Variants in LPAR3 observed in about 807,000 individuals in gnomAD.
LPAR3 encodes the protein LPA receptor 3.
Under a neutral mutation model 17.8 loss-of-function variants are expected in LPAR3, and 7 were observed. The observed-to-expected ratio is 0.39, with a 90% confidence interval of 0.22 to 0.74. The LOEUF is 0.74. Ranked by LOEUF, LPAR3 falls within the 30% of genes least tolerant of loss-of-function variation. LPAR3 has a pLI of 0.40. For missense variants in LPAR3, 391 were observed against 453.4 expected (o/e 0.86, Z 1.25); for synonymous variants, 179 against 179.9 (o/e 0.99, Z 0.04).
rs1387492641 is a variant in LPAR3 at position 84,853,606 on chromosome 1, C to T, written c.736+11779G>A. On this transcript the variant is annotated intron_variant, in intron 2 of 2. Transcript: ENST00000370611. ...CTTCTCTTCTCCTCCCCTGCAGCCC[C>T]GATGGGCCTTCTAGCTGCTGCTGAC... Among the ~76,000 whole-genome samples the T allele has an allele frequency of 3.3e-5, 5 of 152,288 alleles. No homozygotes were observed. In the East Asian group the frequency reaches 7.7e-4, roughly 24 times the overall value.
At chr1:84,889,001 T>A (rs1660506270) in intron 1 of LPAR3, among the ~76,000 whole-genome samples, 1 of 152,012 alleles carries the variant, frequency 6.6e-6, no homozygotes, top group Non-Finnish European at 1.5e-5. Context: ...GATTCACATC[T>A]GAAGAGGGGT....
intron 2 of LPAR3, among the ~76,000 whole-genome samples, chr1:84,834,791 C>G (rs1305497797): frequency 6.6e-6 from 1 of 152,092 alleles, no homozygotes; most frequent in Middle Eastern, 3.2e-3. Flanking sequence ...TTACAGGGTG[C>G]CTATCTATCC....
chr1:84,819,025 T>C (rs1199626918), intron 2 of LPAR3, among the ~76,000 whole-genome samples: 3 of 152,352 alleles, frequency 2.0e-5, no homozygotes, highest in Non-Finnish European at 1.5e-5. Flanking sequence ...TTGGAAGTTG[T>C]AGACTCTATT....
intron 2 of LPAR3, among the ~76,000 whole-genome samples, chr1:84,816,746 G>A (rs930359087): frequency 2.0e-5 from 3 of 152,160 alleles, no homozygotes; most frequent in Admixed American, 1.3e-4. Flanking sequence ...GCAGTGAACC[G>A]AGATTGTGCC....
chr1:84,821,645 G>T (rs1659058061), intron 2 of LPAR3, among the ~76,000 whole-genome samples: 1 of 152,136 alleles, frequency 6.6e-6, no homozygotes, highest in Non-Finnish European at 1.5e-5. Flanking sequence ...GAATGCTTTT[G>T]CGTGGTAAAA....
At chr1:84,827,158 A>G (rs1391069598) in intron 2 of LPAR3, among the ~76,000 whole-genome samples, 2 of 152,236 alleles carry the variant, frequency 1.3e-5, no homozygotes, top group African/African-American at 4.8e-5. Context: ...AATTGTGTAC[A>G]ATGTGTGCCT....
chr1:84,888,143 T>C (rs950170502), intron 1 of LPAR3, among the ~76,000 whole-genome samples: 4 of 85,670 alleles, frequency 4.7e-5, no homozygotes, highest in Admixed American at 1.5e-4. Flanking sequence ...TATATATATA[T>C]ACATACATAC....
At chr1:84,871,269 T>C (rs1158042710) in intron 1 of LPAR3, among the ~76,000 whole-genome samples, 2 of 152,222 alleles carry the variant, frequency 1.3e-5, no homozygotes, top group Non-Finnish European at 2.9e-5. Flanking sequence ...AAAGTCTATA[T>C]GTGGAATCCA....
chr1:84,814,049 C>A lies in LPAR3; in HGVS notation c.859G>T (p.Val287Phe), dbSNP rs560059746. 1.1e-5 allele frequency: 17 copies of A among 1,614,052 alleles called. No individual in the cohort carries two copies. The South Asian group carries it at 1.6e-4, about 16-fold the overall frequency. The change falls in exon 3 of 3, where the codon GTC (valine) becomes TTC (phenylalanine). Residue 287 changes from valine (V) to phenylalanine (F), a missense_variant. Val to Phe is a conservative substitution (Grantham distance 50, BLOSUM62 -1). Transcript: ENST00000370611. The part of the protein sequence containing the change: ...WFLLLALLNS[V>F]VNPIIYSYKD... ...TAGGAGTAGATGATGGGGTTCACGA[C>A]GGAGTTGAGCAGCGCCAGCAGCAGG...
intron 2 of LPAR3, among the ~76,000 whole-genome samples, chr1:84,860,927 C>T (rs1192965609): frequency 2.6e-5 from 4 of 151,672 alleles, no homozygotes; most frequent in Admixed American, 6.6e-5. Flanking sequence ...TTAGTAGAGA[C>T]GGGGTTTCAC....
intron 2 of LPAR3, among the ~76,000 whole-genome samples, chr1:84,851,910 T>A (rs1659721085): frequency 6.6e-6 from 1 of 152,102 alleles, no homozygotes. Flanking sequence ...ATGCCTCAGC[T>A]GGTGGTGGGG....
chr1:84,879,033 T>C (rs1184785516), intron 1 of LPAR3, among the ~76,000 whole-genome samples: 1 of 152,186 alleles, frequency 6.6e-6, no homozygotes, highest in Admixed American at 6.5e-5. Flanking sequence ...CCACTGAGAA[T>C]GCTTCTTAGC....
At chr1:84,874,897 C>T (rs1448091510) in intron 1 of LPAR3, among the ~76,000 whole-genome samples, 1 of 127,008 alleles carries the variant, frequency 7.9e-6, no homozygotes, top group Non-Finnish European at 1.6e-5. Context: ...TTGAGAATGT[C>T]AATTTTTTTT....
At chr1:84,836,474 C>T (rs898124705) in intron 2 of LPAR3, among the ~76,000 whole-genome samples, 1 of 151,818 alleles carries the variant, frequency 6.6e-6, no homozygotes. Flanking sequence ...TATTTCCAAT[C>T]TTCTGAATGT....
At chr1:84,841,570 T>C (rs1221136988) in intron 2 of LPAR3, among the ~76,000 whole-genome samples, 2 of 152,202 alleles carry the variant, frequency 1.3e-5, no homozygotes, top group Non-Finnish European at 2.9e-5. Flanking sequence ...TATTCAATGT[T>C]ATACCAGAAA....
At chr1:84,878,664 T>A (rs1660300782) in intron 1 of LPAR3, among the ~76,000 whole-genome samples, 1 of 152,168 alleles carries the variant, frequency 6.6e-6, no homozygotes, top group African/African-American at 2.4e-5. Context: ...TGGAAGATAG[T>A]GGGGCCACCA....
intron 2 of LPAR3, among the ~76,000 whole-genome samples, chr1:84,840,782 T>C (rs1355160112): frequency 1.3e-5 from 2 of 152,316 alleles, no homozygotes; most frequent in Non-Finnish European, 1.5e-5. Flanking sequence ...AAAACAATAA[T>C]TGTGTTTAAG....
chr1:84,865,991 T>A lies in LPAR3; in HGVS notation c.130A>T (p.Ile44Phe). The A allele has an allele frequency of 6.2e-7, 1 of 1,613,830 alleles. No homozygotes were observed. Among genetic ancestry groups the A allele is most frequent in the Non-Finnish European group, 8.5e-7 (1 of 1,179,924 alleles). Reference protein sequence around the residue: ...LCVGTFFCLFIFFSNSLVIAA... With the variant: ...LCVGTFFCLFFFFSNSLVIAA... Reference sequence around the variant, plus strand: ...ATGACCAGAGAATTAGAAAAAAAAATAAACAGGCAGAAAAACGTCCCAACA... The same window carrying A: ...ATGACCAGAGAATTAGAAAAAAAAAAAAACAGGCAGAAAAACGTCCCAACA... Residue 44 changes from isoleucine to phenylalanine, a missense_variant, in exon 2 of 3, where the codon ATT becomes TTT. Physicochemically the swap from Ile to Phe is conservative, Grantham distance 21. Coordinates refer to ENST00000370611, the MANE Select transcript of LPAR3 (RefSeq NM_012152.3).
At chr1:84,832,753 A>G (rs1161579408) in intron 2 of LPAR3, among the ~76,000 whole-genome samples, 1 of 152,216 alleles carries the variant, frequency 6.6e-6, no homozygotes, top group Admixed American at 6.5e-5. Flanking sequence ...GTGGCTGGGC[A>G]GCTAGGGGTT....
Sources: gnomAD v4.1 joint callset for allele counts (sites outside exome capture counted in the v4.1 genomes callset) on GRCh38, gnomAD v4.1.1 for gene constraint, MANE v1.5 for transcripts, NCBI Gene and HGNC (gene_info 2026-07-23, HGNC 2026-07-21) for gene names.